FAAP20: variants seen among roughly 807,000 people sequenced by gnomAD.
The protein encoded by FAAP20 is Fanconi anemia core complex-associated protein 20.
FAAP20 carries 12 observed loss-of-function variants against 16.2 expected under a neutral mutation model. That is an observed-to-expected ratio of 0.74 (90% CI 0.48 to 1.20). The LOEUF (loss-of-function observed/expected upper bound fraction) is 1.20. FAAP20 is among the 50% of genes most tolerant of loss of function. The pLI is 0.00. For synonymous variants in FAAP20, 141 were observed against 110.7 expected (o/e 1.27, Z -1.72); for missense variants, 288 against 245.8 (o/e 1.17, Z -1.15).
chr1:2,189,509 C>G, downstream of FAAP20: 6 of 605,530 alleles, frequency 9.9e-6, 1 homozygote, highest in South Asian at 1.1e-4. Context: ...TGCAGTGAAT[C>G]TGCCCTAAAC....
intron 3 of FAAP20, chr1:2,190,444 T>A: frequency 2.3e-6 from 1 of 444,134 alleles, no homozygotes. Flanking sequence ...GGGCATCCAG[T>A]GGGGCCGGGA....
At chr1:2,194,892 G>A (rs1688734818), upstream of FAAP20, 14 of 759,308 alleles carry the variant, frequency 1.8e-5, no homozygotes, top group Non-Finnish European at 2.3e-5. Flanking sequence ...CCTGATCCCA[G>A]CCTGTAGGGA....
At chr1:2,196,813 T>G (rs532470033), upstream of FAAP20, among the ~76,000 whole-genome samples, 2 of 152,194 alleles carry the variant, frequency 1.3e-5, no homozygotes, top group East Asian at 3.9e-4. The surrounding 1 kb of genome is among the most constrained non-coding windows in gnomAD (Gnocchi z 4.5). Context: ...GCACAACAGC[T>G]TGGGCATCAC....
chr1:2,186,246 G>C (rs908450070), downstream of FAAP20: 1 of 281,604 alleles, frequency 3.6e-6, no homozygotes, highest in African/African-American at 2.2e-5. Context: ...TGTGCGGCTG[G>C]TGGCTTGGGG....
intron 1 of FAAP20, among the ~76,000 whole-genome samples, chr1:2,206,943 C>A (rs1213492597): frequency 1.3e-5 from 2 of 152,054 alleles, no homozygotes; most frequent in Admixed American, 1.3e-4. Flanking sequence ...TGCCTCAGAT[C>A]GGTGACCTGC....
intron 3 of FAAP20, chr1:2,192,477 T>G: frequency 1.0e-6 from 1 of 997,212 alleles, no homozygotes; most frequent in Non-Finnish European, 1.2e-6. Flanking sequence ...TCTTCAGAAG[T>G]CTTTTTTTAG....
chr1:2,200,582 C>T (rs1689010445), upstream of FAAP20: 1 of 967,836 alleles, frequency 1.0e-6, no homozygotes, highest in Non-Finnish European at 1.2e-6. Context: ...TGGACACCAG[C>T]TGCCTGAACT....
At chr1:2,189,866 T>A in intron 3 of FAAP20, 85 bp from the exon 4 acceptor site, 1 of 1,055,886 alleles carries the variant, frequency 9.5e-7, no homozygotes, top group Admixed American at 1.8e-5. Flanking sequence ...GGGCCCTCTC[T>A]GCTCCTGCCG....
chr1:2,189,357 C>G (rs1263748257), downstream of FAAP20, among the ~76,000 whole-genome samples: 1 of 151,832 alleles, frequency 6.6e-6, no homozygotes, highest in Non-Finnish European at 1.5e-5. Flanking sequence ...AAAAAAAAAC[C>G]GTGACTGCAC....
downstream of FAAP20, among the ~76,000 whole-genome samples, chr1:2,210,882 C>T (rs550699122): frequency 7.9e-5 from 12 of 152,350 alleles, no homozygotes; most frequent in African/African-American, 2.6e-4. Flanking sequence ...AAAGTGTGGT[C>T]CCAGACAGGG....
At chr1:2,210,294 T>C (rs191460142), downstream of FAAP20, among the ~76,000 whole-genome samples, 60 of 152,340 alleles carry the variant, frequency 3.9e-4, 1 homozygote, top group East Asian at 0.01. Flanking sequence ...GGAGTGGCGA[T>C]GTCGGCCAGT....
upstream of FAAP20, among the ~76,000 whole-genome samples, chr1:2,202,999 C>T (rs1039581608): frequency 5.3e-5 from 8 of 152,226 alleles, no homozygotes; most frequent in African/African-American, 2.4e-5. Flanking sequence ...GCCGTCCTCC[C>T]AGCCAGCTGG....
chr1:2,193,852 G>C lies in FAAP20; in HGVS notation c.257C>G (p.Ser86Cys), dbSNP rs950440550. 6.2e-7 allele frequency: 1 copy of C among 1,612,202 alleles called. No individual in the cohort carries two copies. Among genetic ancestry groups the C allele is most frequent in the Admixed American group, 1.7e-5 (1 of 59,766 alleles). Residue 86 changes from serine to cysteine, a missense_variant, in exon 3 of 4, where the codon TCC (serine) becomes TGC (cysteine). Transcript: ENST00000378546. ...EVFTVGPKTF[S>C]WTPFPPDLWG... Reference sequence around the variant, plus strand: ...CAGGTCCGGCGGAAAGGGTGTCCAGGAAAAGGTCTTGGGTCCGACAGTGAA... The same window carrying C: ...CAGGTCCGGCGGAAAGGGTGTCCAGCAAAAGGTCTTGGGTCCGACAGTGAA...
chr1:2,200,591 C>A (rs1402461643), upstream of FAAP20: 1 of 975,988 alleles, frequency 1.0e-6, no homozygotes, highest in African/African-American at 1.8e-5. Context: ...GCTGCCTGAA[C>A]TGTGAGAATA....
chr1:2,192,225 G>A, intron 3 of FAAP20: 1 of 986,118 alleles, frequency 1.0e-6, no homozygotes, highest in South Asian at 4.7e-5. Context: ...CCAAAGATAT[G>A]GGGCTTGTCC....
chr1:2,191,015 T>TCTCACTCTGG (rs1266738004), intron 3 of FAAP20: 1 of 153,892 alleles, frequency 6.5e-6, no homozygotes, highest in African/African-American at 2.4e-5. Context: ...TCAGCTGCCT[T>TCTCACTCTGG]CTCACTCTGG....
chr1:2,197,180 C>T (rs919948345), upstream of FAAP20, among the ~76,000 whole-genome samples: 3 of 152,228 alleles, frequency 2.0e-5, no homozygotes, highest in Non-Finnish European at 2.9e-5. Flanking sequence ...GTGAGGGACA[C>T]CTGTGTGTGG....
At chr1:2,193,258 G>A (rs1039515225) in intron 3 of FAAP20, 2 of 367,124 alleles carry the variant, frequency 5.4e-6, no homozygotes, top group South Asian at 3.2e-5. Flanking sequence ...AGCATCTCCA[G>A]ACAAAAAAGA....
At chr1:2,184,896 C>T (rs756765858), downstream of FAAP20, 10 of 1,599,762 alleles carry the variant, frequency 6.3e-6, no homozygotes, top group Non-Finnish European at 7.7e-6. Context: ...GGTCACCCCC[C>T]TCCCCCCTGC....
Sources: allele counts gnomAD v4.1 joint callset (sites outside exome capture counted in the v4.1 genomes callset), GRCh38; gene constraint gnomAD v4.1.1; non-coding constraint Gnocchi (gnomAD v3.1); transcripts MANE v1.5; gene names NCBI Gene and HGNC (gene_info 2026-07-23, HGNC 2026-07-21).